ATP8A1: variants seen among roughly 807,000 people sequenced by gnomAD.
ATP8A1 encodes ATPase phospholipid transporting 8A1.
In ATP8A1, 90 loss-of-function variants were observed where a neutral mutation model predicts 177.7. That is an observed-to-expected ratio of 0.51 (90% CI 0.43 to 0.60). The LOEUF (loss-of-function observed/expected upper bound fraction) is 0.60. Ranked by LOEUF, ATP8A1 falls within the 20% of genes least tolerant of loss-of-function variation. ATP8A1 has a pLI of 0.00. For synonymous variants in ATP8A1, 493 were observed against 485.9 expected (o/e 1.01, Z -0.19); for missense variants, 1,072 against 1,392.8 (o/e 0.77, Z 3.67).
chr4:42,518,347 C>T (rs1266232869), intron 22 of ATP8A1, among the ~76,000 whole-genome samples: 1 of 152,088 alleles, frequency 6.6e-6, no homozygotes, highest in Non-Finnish European at 1.5e-5. Context: ...ATCTTGCATA[C>T]GGGCACAATG....
At chr4:42,427,949 G>A (rs1232940945) in intron 33 of ATP8A1, among the ~76,000 whole-genome samples, 2 of 152,184 alleles carry the variant, frequency 1.3e-5, no homozygotes, top group Non-Finnish European at 2.9e-5. Context: ...GCAAATATTC[G>A]TTGTGGGTTG....
intron 22 of ATP8A1, among the ~76,000 whole-genome samples, chr4:42,519,937 G>A (rs921359425): frequency 6.6e-6 from 1 of 152,118 alleles, no homozygotes. Flanking sequence ...ATGTGTATAT[G>A]TGTATACACA....
intron 25 of ATP8A1, among the ~76,000 whole-genome samples, chr4:42,483,911 A>T (rs1721945622): frequency 6.6e-6 from 1 of 152,032 alleles, no homozygotes; most frequent in Non-Finnish European, 1.5e-5. Context: ...CGCCCAGCAC[A>T]CACAAAGTAG....
chr4:42,589,131 C>A (rs888780402), intron 7 of ATP8A1, among the ~76,000 whole-genome samples: 5 of 152,176 alleles, frequency 3.3e-5, no homozygotes, highest in Admixed American at 3.3e-4. Flanking sequence ...ACCACCACAG[C>A]CCAGACTGTC....
At chr4:42,477,990 AAAAC>A (rs975510655) in intron 25 of ATP8A1, among the ~76,000 whole-genome samples, 1 of 152,060 alleles carries the variant, frequency 6.6e-6, no homozygotes, top group African/African-American at 2.4e-5. Flanking sequence ...CTCAAAAACA[AAAAC>A]AAACAAAAAA....
At chr4:42,629,079 C>A (rs2109500505) in intron 1 of ATP8A1, among the ~76,000 whole-genome samples, 1 of 152,212 alleles carries the variant, frequency 6.6e-6, no homozygotes. Flanking sequence ...TGCATCTCCC[C>A]CTCAGATATT....
At chr4:42,446,859 T>A (rs1326711416) in intron 30 of ATP8A1, among the ~76,000 whole-genome samples, 2 of 147,362 alleles carry the variant, frequency 1.4e-5, no homozygotes, top group African/African-American at 2.5e-5. Context: ...AAGAAGGAAA[T>A]CCGACTTGTT....
chr4:42,454,147 G>C (rs1232536527), intron 29 of ATP8A1, among the ~76,000 whole-genome samples: 2 of 152,152 alleles, frequency 1.3e-5, no homozygotes, highest in Non-Finnish European at 2.9e-5. Flanking sequence ...ATTTAAAACA[G>C]TGCCACCAAG....
Position 42,526,415 on chromosome 4 carries a change from G to A in ATP8A1, c.1723-1568C>T, listed in dbSNP as rs1452858653. Among the ~76,000 whole-genome samples the A allele has an allele frequency of 3.3e-5, 5 of 152,292 alleles. No homozygotes were observed. The East Asian group carries it at 7.7e-4, about 23-fold the overall frequency. The stretch of plus-strand genomic sequence containing the variant: ...ATTGATCCTGGGTGTGTCTGTGAGG[G>A]TGTTACCAAAGGAGATTAACATTTG... On this transcript the variant is annotated intron_variant, in intron 20 of 36. Transcript: ENST00000381668.
intron 24 of ATP8A1, among the ~76,000 whole-genome samples, chr4:42,491,269 G>A (rs1348818168): frequency 2.0e-5 from 3 of 152,004 alleles, no homozygotes; most frequent in Non-Finnish European, 4.4e-5. Context: ...ATATTTATTT[G>A]GTTTACAAGA....
intron 25 of ATP8A1, among the ~76,000 whole-genome samples, chr4:42,478,438 T>C (rs974517620): frequency 2.6e-5 from 4 of 152,194 alleles, no homozygotes. Flanking sequence ...ATATGATAGA[T>C]ATTTTTCACA....
chr4:42,507,729 C>CAA (rs34269384), intron 22 of ATP8A1, among the ~76,000 whole-genome samples: 1,707 of 8,872 alleles, frequency 0.19, 480 homozygotes, highest in East Asian at 0.46. Context: ...GACTCCATCT[C>CAA]AAAAAAAAAA....
intron 35 of ATP8A1, among the ~76,000 whole-genome samples, chr4:42,416,723 C>A (rs983401420): frequency 5.9e-5 from 9 of 152,086 alleles, no homozygotes; most frequent in African/African-American, 1.7e-4. Flanking sequence ...ATCAGGAGGG[C>A]AGTACTTAAC....
chr4:42,575,793 T>G (rs1354211415), intron 12 of ATP8A1, 94 bp from the exon 13 acceptor site: 1 of 1,021,318 alleles, frequency 9.8e-7, no homozygotes, highest in Non-Finnish European at 1.5e-6. Context: ...CGTACTTCAA[T>G]AAGTCACTGT....
At chr4:42,620,697 T>C (rs982536217) in intron 4 of ATP8A1, among the ~76,000 whole-genome samples, 4 of 152,122 alleles carry the variant, frequency 2.6e-5, no homozygotes, top group African/African-American at 7.2e-5. Flanking sequence ...ATCTGTAAAA[T>C]AGGGATAAGA....
rs374754390 is a variant in ATP8A1, at chr4:42,467,942, C to T, written c.2325-2866G>A. On this transcript the variant is annotated intron_variant, in intron 25 of 36. Transcript: ENST00000381668. ...TACAGATTGTGAAGATTTTCTTCCACTCTGTGGGTTGTCTGTTTACTCTGC... is the reference window on the plus strand; with the variant it reads ...TACAGATTGTGAAGATTTTCTTCCATTCTGTGGGTTGTCTGTTTACTCTGC... 1.2e-3 allele frequency among the ~76,000 whole-genome samples: 185 copies of T among 152,240 alleles called. 1 individual carries two copies. Among genetic ancestry groups the T allele is most frequent in the African/African-American group, 4.1e-3 (170 of 41,538 alleles).
intron 22 of ATP8A1, among the ~76,000 whole-genome samples, chr4:42,515,660 T>C (rs953603868): frequency 6.6e-6 from 1 of 152,206 alleles, no homozygotes; most frequent in African/African-American, 2.4e-5. Flanking sequence ...CCCAGGGCAC[T>C]AAAGCCTCTC....
intron 22 of ATP8A1, among the ~76,000 whole-genome samples, chr4:42,519,952 C>T (rs1032124216): frequency 6.6e-6 from 1 of 152,194 alleles, no homozygotes; most frequent in Non-Finnish European, 1.5e-5. Flanking sequence ...TACACACACT[C>T]TCCCCACTTT....
intron 10 of ATP8A1, among the ~76,000 whole-genome samples, chr4:42,580,390 T>C (rs548738355): frequency 2.0e-5 from 3 of 152,302 alleles, no homozygotes; most frequent in Admixed American, 6.5e-5. Context: ...ACCTGGAAAT[T>C]TGAACATAGG....
Sources: gnomAD v4.1 joint callset for allele counts (sites outside exome capture counted in the v4.1 genomes callset) on GRCh38, gnomAD v4.1.1 for gene constraint, MANE v1.5 for transcripts, NCBI Gene and HGNC (gene_info 2026-07-23, HGNC 2026-07-21) for gene names.